SYNE2: variants seen among roughly 807,000 people sequenced by gnomAD.
The protein encoded by SYNE2 is nesprin-2.
SYNE2 carries 431 observed loss-of-function variants against 856.3 expected under a neutral mutation model. The ratio of observed to expected loss-of-function variants is 0.50; its 90% confidence interval spans 0.47 to 0.55. SYNE2 has a LOEUF of 0.55. SYNE2 is among the 20% of genes least tolerant of loss of function. The pLI is 0.00. For missense variants in SYNE2, 8,129 were observed against 8,023.2 expected, an observed-to-expected ratio of 1.01 and a Z score of -0.50; for synonymous variants, 2,923 against 2,872.3, an observed-to-expected ratio of 1.02 and a Z score of -0.56.
intron 66 of SYNE2, among the ~76,000 whole-genome samples, chr14:64,116,915 T>C (rs905999445): frequency 6.6e-6 from 1 of 152,196 alleles, no homozygotes; most frequent in African/African-American, 2.4e-5. Flanking sequence ...AAGTATGTAA[T>C]AGTTAAGTGG....
intron 11 of SYNE2, among the ~76,000 whole-genome samples, chr14:63,975,822 T>C (rs992468359): frequency 4.6e-5 from 7 of 152,236 alleles, no homozygotes; most frequent in African/African-American, 1.7e-4. Context: ...TTTCTGTATC[T>C]TTATCTCCAG....
At chr14:63,841,477 C>T (rs1890063570) in intron 1 of SYNE2, among the ~76,000 whole-genome samples, 2 of 152,224 alleles carry the variant, frequency 1.3e-5, no homozygotes, top group African/African-American at 2.4e-5. Flanking sequence ...CTGCAATGGA[C>T]AACCTTGTGC....
At chr14:63,935,906 G>A (rs999108056) in intron 2 of SYNE2, among the ~76,000 whole-genome samples, 25 of 152,070 alleles carry the variant, frequency 1.6e-4, no homozygotes, top group African/African-American at 5.1e-4. Context: ...ACGGAGTCTC[G>A]CTCTGTCACC....
At chr14:64,030,817 A>G (rs1400174279) in intron 44 of SYNE2, among the ~76,000 whole-genome samples, 199 bp from the exon 45 acceptor site, 1 of 152,256 alleles carries the variant, frequency 6.6e-6, no homozygotes, top group African/African-American at 2.4e-5. Flanking sequence ...ACATTTTAGT[A>G]TCTTAAAATA....
chr14:63,858,399 G>A (rs567677110), intron 1 of SYNE2, among the ~76,000 whole-genome samples: 13 of 147,406 alleles, frequency 8.8e-5, no homozygotes, highest in Admixed American at 7.6e-4. Context: ...TGGGATTACA[G>A]GCATGAGCCA....
intron 36 of SYNE2, 70 bp from the exon 37 acceptor site, chr14:64,021,787 G>A: frequency 6.6e-7 from 1 of 1,525,394 alleles, no homozygotes; most frequent in South Asian, 1.1e-5. Flanking sequence ...AAACAATTGA[G>A]ATCTAATATG....
chr14:64,003,872 A>G (rs1049800899), intron 30 of SYNE2, among the ~76,000 whole-genome samples: 7 of 152,228 alleles, frequency 4.6e-5, no homozygotes, highest in Non-Finnish European at 8.8e-5. Context: ...GAGTTGCAGT[A>G]GACTGAGGTT....
At chr14:63,880,685 T>C (rs992647441) in intron 1 of SYNE2, among the ~76,000 whole-genome samples, 11 of 150,132 alleles carry the variant, frequency 7.3e-5, no homozygotes, top group Non-Finnish European at 1.5e-4. Flanking sequence ...TTTTTTTTTT[T>C]TTTTTAAGAC....
chr14:63,882,648 C>T (rs2094891403), intron 1 of SYNE2, among the ~76,000 whole-genome samples: 1 of 151,990 alleles, frequency 6.6e-6, no homozygotes, highest in Non-Finnish European at 1.5e-5. Flanking sequence ...TTGGTTGCGT[C>T]TGGGATATGA....
chr14:63,851,091 G>A (rs61985751), upstream of SYNE2, among the ~76,000 whole-genome samples: 991 of 152,248 alleles, frequency 6.5e-3, 11 homozygotes, highest in South Asian at 0.023. Flanking sequence ...GGCCGGATGC[G>A]GTGGCTCATG....
At position 64,098,049 on chromosome 14, in the gene SYNE2, A is replaced by G. The variant is rs2153635653; in HGVS notation, c.12209A>G (p.His4070Arg). The G allele has an allele frequency of 6.2e-7, 1 of 1,614,224 alleles. No homozygotes were observed. Among genetic ancestry groups the G allele is most frequent in the Non-Finnish European group, 8.5e-7 (1 of 1,180,034 alleles). ...GCCACCGTACTAAACCTTCACCAGC[A>G]TTTGAAGCAAGAACAAGAAGGAGTA... is the stretch of plus-strand genomic sequence containing the variant. ...LKATVLNLHQ[H>R]LKQEQEGVER... The change falls in exon 62 of 116, where the codon CAT becomes CGT. Residue 4070 changes from histidine (H) to arginine (R), a missense_variant. This residue lies in a region of SYNE2 where 5,410 missense variants were observed against 5,284.8 expected (regional missense o/e 1.02). Transcript: ENST00000555002.
intron 1 of SYNE2, among the ~76,000 whole-genome samples, chr14:63,854,163 C>CTTTT (rs35131482): frequency 2.9e-5 from 4 of 139,276 alleles, no homozygotes; most frequent in East Asian, 2.1e-4. Flanking sequence ...CTTGGCATCA[C>CTTTT]TTTTTTTTTT....
chr14:64,146,244 C>G (rs754623959), intron 84 of SYNE2, 21 bp downstream of exon 84: 3 of 1,590,242 alleles, frequency 1.9e-6, no homozygotes, highest in South Asian at 1.2e-5. Context: ...GAACAGCATC[C>G]CACCCAACCC....
At chr14:64,224,347 TAAAACAAAAC>T in intron 113 of SYNE2, 104 bp from the exon 114 acceptor site, 22 of 1,059,938 alleles carry the variant, frequency 2.1e-5, no homozygotes, top group Non-Finnish European at 3.2e-5. Context: ...TGAGACTGTC[TAAAACAAAAC>T]AAAACAAAAA....
chr14:64,101,882 G>T, intron 63 of SYNE2, 50 bp from the exon 64 acceptor site: 1 of 1,397,642 alleles, frequency 7.2e-7, no homozygotes, highest in South Asian at 1.2e-5. Flanking sequence ...CACCGGTTAT[G>T]ACAGTAAGGG....
chr14:63,771,066 CTT>C (rs770101693), intron 1 of SYNE2, among the ~76,000 whole-genome samples: 18 of 116,280 alleles, frequency 1.5e-4, no homozygotes, highest in African/African-American at 4.6e-4. Context: ...CTTATACACT[CTT>C]TTTTTTTTTT....
chr14:64,202,630 C>G (rs1445936700), intron 99 of SYNE2, among the ~76,000 whole-genome samples, 171 bp from the exon 100 acceptor site: 7 of 152,158 alleles, frequency 4.6e-5, no homozygotes, highest in African/African-American at 1.7e-4. Flanking sequence ...TCTCTGAGAA[C>G]TCGTATCTGG....
intron 2 of SYNE2, among the ~76,000 whole-genome samples, chr14:63,924,839 T>TTTTTTTTG (rs2095643294): frequency 1.5e-5 from 1 of 66,242 alleles, no homozygotes; most frequent in Non-Finnish European, 4.1e-5. Flanking sequence ...TTGGTGTTTT[T>TTTTTTTTG]TTTTTTTTTT....
At position 64,089,696 on chromosome 14, in the gene SYNE2, G is replaced by A. The variant is rs570266614; in HGVS notation, c.11793G>A (p.Glu3931=). Residue 3931 remains glutamate (E), a splice_region_variant and synonymous_variant, in exon 59 of 116, where the codon GAG becomes GAA. Coordinates refer to ENST00000555002, the MANE Select transcript of SYNE2 (RefSeq NM_182914.3). Reference sequence around the variant, plus strand: ...CTGAAGAACATCTCAAACATGGGGAGGTAAGCATAGATTATTATTTAAAGT... The same window carrying A: ...CTGAAGAACATCTCAAACATGGGGAAGTAAGCATAGATTATTATTTAAAGT... ...FSPEEHLKHG[E]VILENIRPMK... 4 of 1,560,664 alleles carry A rather than the reference G, an allele frequency of 2.6e-6. No homozygotes were observed. The East Asian group carries it at 9.0e-5, about 35-fold the overall frequency.
Sources: gnomAD v4.1 joint callset for allele counts (sites outside exome capture counted in the v4.1 genomes callset) on GRCh38, gnomAD v4.1.1 for gene constraint, gnomAD v4.1.1 regional missense constraint, MANE v1.5 for transcripts, NCBI Gene and HGNC (gene_info 2026-07-23, HGNC 2026-07-21) for gene names.